The following MCM5 variants were observed in gnomAD, a reference collection of about 807,000 sequenced individuals.
MCM5 encodes DNA replication licensing factor MCM5.
MCM5 carries 46 observed loss-of-function variants against 79.9 expected under a neutral mutation model. That is an observed-to-expected ratio of 0.58 (90% CI 0.45 to 0.74). The LOEUF (loss-of-function observed/expected upper bound fraction) is 0.74, where lower values mean the gene tolerates loss of function less well. Among genes scored for constraint, MCM5 ranks in the 30% least tolerant of loss-of-function variants. MCM5 has a pLI of 0.00. For synonymous variants in MCM5, 404 were observed against 390.5 expected (o/e 1.03, Z -0.41); for missense variants, 883 against 1,017.0 (o/e 0.87, Z 1.79).
In MCM5 at chr22:35,416,821, C is replaced by G. The variant is rs898882583; in HGVS notation, c.1590+7C>G. ...CAATGAGGAGAGGGATGTGGTACGT[C>G]CAGGGGCAGGGCTGGTGGCCATGGG... On this transcript the variant is annotated splice_region_variant and intron_variant, in intron 12 of 16. Coordinates refer to ENST00000216122, the MANE Select transcript of MCM5 (RefSeq NM_006739.4). 14 of 1,612,522 alleles carry G rather than the reference C, an allele frequency of 8.7e-6. No individual in the cohort carries two copies. In the African/African-American group the frequency reaches 1.7e-4, roughly 20 times the overall value.
downstream of MCM5, among the ~76,000 whole-genome samples, chr22:35,427,242 T>C (rs186294673): frequency 6.6e-6 from 1 of 152,356 alleles, no homozygotes; most frequent in Admixed American, 6.5e-5. Context: ...CTATATCCAA[T>C]TTAGGTTTCT....
At chr22:35,429,678 G>C (rs187897330), downstream of MCM5, among the ~76,000 whole-genome samples, 52 of 152,212 alleles carry the variant, frequency 3.4e-4, no homozygotes, top group East Asian at 9.9e-3. Flanking sequence ...TGGGACTACA[G>C]GCGCGCGCCA....
the MCM5 span, among the ~76,000 whole-genome samples, chr22:35,446,768 A>G: frequency 2.6e-5 from 4 of 152,030 alleles, no homozygotes; most frequent in African/African-American, 9.7e-5. Flanking sequence ...CCTCACCTTC[A>G]TATTTCTCTC....
chr22:35,426,229 A>G (rs192874513), downstream of MCM5, among the ~76,000 whole-genome samples: 2 of 152,314 alleles, frequency 1.3e-5, no homozygotes, highest in Admixed American at 1.3e-4. Context: ...GTCTCCTTCC[A>G]GATCGGGGCA....
intron 6 of MCM5, chr22:35,410,392 A>G (rs889301215): frequency 9.3e-5 from 30 of 321,918 alleles, no homozygotes; most frequent in African/African-American, 5.8e-4. Flanking sequence ...GTGAGCTGAC[A>G]GCAGACACGT....
chr22:35,433,922 G>A, the MCM5 span, among the ~76,000 whole-genome samples: 2 of 152,164 alleles, frequency 1.3e-5, no homozygotes, highest in East Asian at 3.9e-4. Context: ...ATCCCTTCCC[G>A]TGCTGCAGAG....
chr22:35,419,672 T>C (rs1253640269), intron 13 of MCM5, among the ~76,000 whole-genome samples: 1 of 152,210 alleles, frequency 6.6e-6, no homozygotes, highest in Non-Finnish European at 1.5e-5. Context: ...GAGGCACCCA[T>C]ATTTCTCCCC....
At chr22:35,437,102 G>C in the MCM5 span, among the ~76,000 whole-genome samples, 1 of 152,234 alleles carries the variant, frequency 6.6e-6, no homozygotes, top group Non-Finnish European at 1.5e-5. Flanking sequence ...ATGCAGAACA[G>C]CCCCAGGAGG....
the MCM5 span, among the ~76,000 whole-genome samples, chr22:35,435,354 C>A: frequency 6.6e-6 from 1 of 152,092 alleles, no homozygotes. Flanking sequence ...CTCTCAGGGC[C>A]GCGGTGGGGC....
chr22:35,417,967 C>A, intron 13 of MCM5, 111 bp downstream of exon 13: 2 of 732,958 alleles, frequency 2.7e-6, no homozygotes, highest in Non-Finnish European at 4.8e-6. Flanking sequence ...CCAGATGTTG[C>A]TGTTCTGAGG....
At chr22:35,408,836 T>C (rs189820386) in intron 6 of MCM5, among the ~76,000 whole-genome samples, 8 of 152,386 alleles carry the variant, frequency 5.2e-5, no homozygotes, top group Non-Finnish European at 1.0e-4. Flanking sequence ...AGAGCCGGGC[T>C]TTCAGCCTAT....
rs775684056 is a variant in MCM5 at position 35,408,577 on chromosome 22, GCTGGGAGGTGGGCAT to G, written c.752+17_752+31del. The G allele has an allele frequency of 4.4e-6, 7 of 1,598,720 alleles. No individual in the cohort carries two copies. In the South Asian group the frequency reaches 7.7e-5, roughly 18 times the overall value. ...CTACTGCGACAGGTGAGGCAGACGG[GCTGGGAGGTGGGCAT>G]CTACGACGGTGGATGTCCCAGCTGT... is the stretch of plus-strand genomic sequence containing the variant. On this transcript the variant is annotated intron_variant, in intron 6 of 16. Transcript: ENST00000216122.
chr22:35,436,539 C>A, the MCM5 span, among the ~76,000 whole-genome samples: 1 of 152,214 alleles, frequency 6.6e-6, no homozygotes, highest in Non-Finnish European at 1.5e-5. Flanking sequence ...CCTTTGCCAG[C>A]GCCCACTGCA....
chr22:35,418,686 T>TAC (rs34663823), intron 13 of MCM5, among the ~76,000 whole-genome samples: 31,804 of 149,068 alleles, frequency 0.21, 5,006 homozygotes, highest in African/African-American at 0.45. Flanking sequence ...TATATATGTG[T>TAC]ACACACACAC....
intron 1 of MCM5, 102 bp from the exon 2 acceptor site, chr22:35,400,329 G>C (rs767083635): frequency 2.2e-6 from 3 of 1,346,974 alleles, no homozygotes; most frequent in Non-Finnish European, 3.2e-6. Context: ...GCGCGGCCGG[G>C]GGTCCCCCTG....
rs1056837374 is a variant in MCM5, at chr22:35,422,965, G to A, written c.1976-249G>A. On this transcript the variant is annotated intron_variant, in intron 15 of 16. Coordinates refer to ENST00000216122, the MANE Select transcript of MCM5 (RefSeq NM_006739.4). ...CCATGTCTCTGCTGCGCTGGGCCCCGGGCTGCTTTTTGAATGAGACAGGTG... is the reference window on the plus strand; with the variant it reads ...CCATGTCTCTGCTGCGCTGGGCCCCAGGCTGCTTTTTGAATGAGACAGGTG... 13 of 335,722 alleles carry A rather than the reference G, an allele frequency of 3.9e-5. No individual in the cohort carries two copies. In the East Asian group the frequency reaches 5.1e-4, roughly 13 times the overall value. 20.8% of individuals were successfully genotyped at this position (335,722 alleles called of 1,614,324 possible).
At chr22:35,434,377 G>C in the MCM5 span, among the ~76,000 whole-genome samples, 2 of 152,026 alleles carry the variant, frequency 1.3e-5, no homozygotes, top group Non-Finnish European at 2.9e-5. Context: ...GAAGTCCCAA[G>C]TCAGTAACCT....
In MCM5 at chr22:35,417,858, T is replaced by C; in HGVS notation, c.1703+2T>C. On this transcript the variant is annotated splice_donor_variant, in intron 13 of 16. Coordinates refer to ENST00000216122, the MANE Select transcript of MCM5 (RefSeq NM_006739.4). LOFTEE classifies it high-confidence loss of function. ...GAAGTTTATTGCCTACTGCCGAGTGTGAGTCCTGGACGCAGGCCCACGGGG... is the reference window on the plus strand; with the variant it reads ...GAAGTTTATTGCCTACTGCCGAGTGCGAGTCCTGGACGCAGGCCCACGGGG... 6.2e-7 allele frequency: 1 copy of C among 1,612,674 alleles called. No individual in the cohort carries two copies. Among genetic ancestry groups the C allele is most frequent in the East Asian group, 2.2e-5 (1 of 44,870 alleles).
rs1031638379 is a variant in MCM5, at chr22:35,417,812, G to A, written c.1659G>A (p.Glu553=). The change falls in exon 13 of 17, where the codon GAG becomes GAA. Residue 553 remains glutamate, a synonymous_variant. Coordinates refer to ENST00000216122, the MANE Select transcript of MCM5 (RefSeq NM_006739.4). ...CACAGACACAGGCTGTGGAGGGCGAGATTGACCTGGCCAAGCTGAAGAAGT... is the reference window on the plus strand; with the variant it reads ...CACAGACACAGGCTGTGGAGGGCGAAATTGACCTGGCCAAGCTGAAGAAGT... The part of the protein sequence containing the change: ...ALTQTQAVEG[E]IDLAKLKKFI... The A allele has an allele frequency of 1.9e-6, 3 of 1,614,106 alleles. No individual in the cohort carries two copies. The African/African-American group carries it at 4.0e-5, about 22-fold the overall frequency.
Sources: allele counts gnomAD v4.1 joint callset (sites outside exome capture counted in the v4.1 genomes callset), GRCh38; gene constraint gnomAD v4.1.1; transcripts MANE v1.5; gene names NCBI Gene and HGNC (gene_info 2026-07-23, HGNC 2026-07-21).